BLK: variants seen among roughly 807,000 people sequenced by gnomAD.
BLK encodes the protein tyrosine-protein kinase Blk.
BLK carries 64 observed loss-of-function variants against 61.8 expected under a neutral mutation model. The observed-to-expected ratio is 1.03, with a 90% confidence interval of 0.85 to 1.27. The LOEUF (loss-of-function observed/expected upper bound fraction) is 1.27, where lower values mean the gene tolerates loss of function less well. Among genes scored for constraint, BLK ranks in the 50% most tolerant of loss-of-function variants. The pLI is 0.00. For synonymous variants in BLK, 351 were observed against 272.0 expected, an observed-to-expected ratio of 1.29 and a Z score of -2.86; for missense variants, 853 against 660.5, an observed-to-expected ratio of 1.29 and a Z score of -3.19.
intron 1 of BLK, among the ~76,000 whole-genome samples, chr8:11,520,626 G>C (rs1799413144): frequency 6.6e-6 from 1 of 152,072 alleles, no homozygotes; most frequent in Non-Finnish European, 1.5e-5. Context: ...GATATCTTCT[G>C]CAAGCCTATA....
intron 1 of BLK, among the ~76,000 whole-genome samples, chr8:11,498,123 C>CT (rs879920358): frequency 3.5e-4 from 54 of 152,302 alleles, no homozygotes; most frequent in Non-Finnish European, 7.1e-4. Flanking sequence ...AGCTGCTGGC[C>CT]TTTTTGCACA....
chr8:11,563,835 C>G (rs1026007792), intron 12 of BLK, 68 bp from the exon 13 acceptor site: 5 of 1,460,746 alleles, frequency 3.4e-6, no homozygotes, highest in Non-Finnish European at 4.7e-6. Flanking sequence ...CCCCGCGGGA[C>G]GCTCAGGGCC....
intron 6 of BLK, among the ~76,000 whole-genome samples, chr8:11,551,128 G>A (rs2117505440): frequency 6.6e-6 from 1 of 152,208 alleles, no homozygotes; most frequent in Admixed American, 6.5e-5. Flanking sequence ...GATGTAGATA[G>A]AATCACTGTT....
intron 1 of BLK, among the ~76,000 whole-genome samples, chr8:11,519,541 T>C (rs1026364600): frequency 6.6e-6 from 1 of 152,252 alleles, no homozygotes; most frequent in Admixed American, 6.5e-5. Flanking sequence ...TGGTACAGTA[T>C]TAAGTAATAT....
intron 1 of BLK, among the ~76,000 whole-genome samples, chr8:11,508,499 C>A (rs1357443561): frequency 6.6e-6 from 1 of 152,198 alleles, no homozygotes; most frequent in Admixed American, 6.5e-5. Flanking sequence ...CTTGGTGAGC[C>A]ACATTCCTGT....
chr8:11,554,747 C>T lies in BLK; in HGVS notation c.477C>T (p.Ala159=), dbSNP rs1801108877. 4 of 1,613,458 alleles carry T rather than the reference C, an allele frequency of 2.5e-6. No homozygotes were observed. The highest frequency in any genetic ancestry group is 3.4e-6 in the Non-Finnish European group (4 of 1,180,036). The change falls in exon 7 of 13, where the codon GCC becomes GCT. Residue 159 remains alanine (A), a synonymous_variant. Coordinates refer to ENST00000259089, the MANE Select transcript of BLK (RefSeq NM_001715.3). ...GTGTCTTCATGAACCCTCCAGGTGC[C>T]TTCTCCCTGTCTGTGAAGGATGTCA... ...LIRESETNKG[A]FSLSVKDVTT...
chr8:11,548,181 C>G, intron 4 of BLK, 56 bp downstream of exon 4: 1 of 1,433,762 alleles, frequency 7.0e-7, no homozygotes, highest in South Asian at 1.1e-5. Flanking sequence ...CCCCACATCT[C>G]TCCTTTCTCC....
chr8:11,538,778 G>C (rs990080464), intron 1 of BLK, among the ~76,000 whole-genome samples: 1 of 152,142 alleles, frequency 6.6e-6, no homozygotes, highest in Non-Finnish European at 1.5e-5. Context: ...GGCCACGAAA[G>C]GCCTGAGGTT....
intron 1 of BLK, among the ~76,000 whole-genome samples, chr8:11,528,124 C>T (rs935100326): frequency 3.9e-5 from 6 of 152,114 alleles, no homozygotes; most frequent in Non-Finnish European, 7.4e-5. Flanking sequence ...GCAATCTCTG[C>T]CTCCCAGGCT....
chr8:11,513,386 C>T (rs1799099076), intron 1 of BLK, among the ~76,000 whole-genome samples: 1 of 152,208 alleles, frequency 6.6e-6, no homozygotes. Context: ...GAAACCAGAG[C>T]ATCATTCCTG....
At chr8:11,530,211 A>T (rs1386997081) in intron 1 of BLK, among the ~76,000 whole-genome samples, 1 of 152,202 alleles carries the variant, frequency 6.6e-6, no homozygotes, top group East Asian at 1.9e-4. Context: ...ACCTTTTAAA[A>T]GTCTCTTGAG....
chr8:11,550,130 G>C (rs757428982), intron 5 of BLK, 29 bp from the exon 6 acceptor site: 10 of 1,600,066 alleles, frequency 6.2e-6, no homozygotes, highest in Non-Finnish European at 8.6e-6. Context: ...GGGTCGCTCT[G>C]AGTTTCACCT....
chr8:11,544,072 C>T (rs1267859923), intron 2 of BLK, among the ~76,000 whole-genome samples: 3 of 151,830 alleles, frequency 2.0e-5, no homozygotes, highest in Admixed American at 6.6e-5. Flanking sequence ...AAGTGATTCT[C>T]GTACCTCAGC....
chr8:11,561,229 G>A lies in BLK; in HGVS notation c.1030-73G>A, dbSNP rs267601734. 16 of 1,564,190 alleles carry A rather than the reference G, an allele frequency of 1.0e-5. No individual in the cohort carries two copies. The African/African-American group carries it at 1.8e-4, about 17-fold the overall frequency. On this transcript the variant is annotated intron_variant, in intron 10 of 12. Transcript: ENST00000259089. ...CCCAGCAGCCCACAGGGGCTGTGCG[G>A]GGGACACAGTGTGGGCTCGGTCTTG... is the stretch of plus-strand genomic sequence containing the variant.
chr8:11,548,404 G>A (rs1359034974), intron 4 of BLK, among the ~76,000 whole-genome samples: 2 of 152,220 alleles, frequency 1.3e-5, no homozygotes, highest in Non-Finnish European at 2.9e-5. Context: ...TTTTGGGCAT[G>A]TGGACCTTGT....
At chr8:11,543,198 CTCTG>C in intron 1 of BLK, 22 bp from the exon 2 acceptor site, 1 of 1,613,424 alleles carries the variant, frequency 6.2e-7, no homozygotes, top group Non-Finnish European at 8.5e-7. Context: ...CTCTCATGTC[CTCTG>C]TCTGCTGTGT....
chr8:11,548,466 G>C (rs1429577850), intron 4 of BLK, among the ~76,000 whole-genome samples: 5 of 152,146 alleles, frequency 3.3e-5, no homozygotes, highest in South Asian at 2.1e-4. Context: ...ATTTAAGCCA[G>C]TTGTGTCCAT....
Position 11,535,987 on chromosome 8 carries a change from G to A in BLK, c.-1-7237G>A, listed in dbSNP as rs905685664. Among the ~76,000 whole-genome samples, 10 of 152,330 alleles carry A rather than the reference G, an allele frequency of 6.6e-5. 1 individual carries two copies. In the East Asian group the frequency reaches 1.9e-3, roughly 29 times the overall value. On this transcript the variant is annotated intron_variant, in intron 1 of 12. Coordinates refer to ENST00000259089, the MANE Select transcript of BLK (RefSeq NM_001715.3). ...AGAGCAGAAGGGACTCCTGTTTAAA[G>A]GAAACCTAAGACGTTGAGTTATATA... is the stretch of plus-strand genomic sequence containing the variant.
chr8:11,531,823 C>G (rs546803176), intron 1 of BLK, among the ~76,000 whole-genome samples: 1 of 152,142 alleles, frequency 6.6e-6, no homozygotes, highest in African/African-American at 2.4e-5. Context: ...TTCTGCAGCA[C>G]CCAATGTACT....
Sources: gnomAD v4.1 joint callset for allele counts (sites outside exome capture counted in the v4.1 genomes callset) on GRCh38, gnomAD v4.1.1 for gene constraint, MANE v1.5 for transcripts, NCBI Gene and HGNC (gene_info 2026-07-23, HGNC 2026-07-21) for gene names.